Variants in NHS observed in about 807,000 individuals in gnomAD.
NHS encodes the protein NHS actin remodeling regulator.
A neutral mutation model predicts 72.5 loss-of-function variants in NHS; 5 were observed. That is an observed-to-expected ratio of 0.07 (90% confidence interval 0.04 to 0.14). NHS has a LOEUF of 0.14. Ranked by LOEUF, NHS falls within the 10% of genes least tolerant of loss-of-function variation. The pLI, the probability that NHS is intolerant of heterozygous loss-of-function variation, is 1.00. For synonymous variants in NHS, 464 were observed against 547.7 expected, an observed-to-expected ratio of 0.85 and a Z score of 2.13; for missense variants, 1,072 against 1,355.7, an observed-to-expected ratio of 0.79 and a Z score of 3.29.
intron 1 of NHS, among the ~76,000 whole-genome samples, chrX:17,668,908 T>C (rs1458336587): frequency 8.9e-6 from 1 of 111,864 alleles, no homozygotes; most frequent in African/African-American, 3.3e-5. Flanking sequence ...CATCTGTTAC[T>C]GCTCCAGTGC....
chrX:17,560,630 C>T (rs2146966550), intron 1 of NHS, among the ~76,000 whole-genome samples: 1 of 112,280 alleles, frequency 8.9e-6, no homozygotes, highest in South Asian at 3.7e-4. Context: ...AACCCCAGCA[C>T]ATGGTTCAGC....
chrX:17,391,377 G>A (rs1261900741), intron 1 of NHS, among the ~76,000 whole-genome samples: 1 of 111,692 alleles, frequency 9.0e-6, no homozygotes, highest in Non-Finnish European at 1.9e-5. Flanking sequence ...GATACTATTG[G>A]TACTCATTTT....
At chrX:17,491,374 T>C (rs1016689530) in intron 1 of NHS, among the ~76,000 whole-genome samples, 2 of 112,110 alleles carry the variant, frequency 1.8e-5, no homozygotes, top group Non-Finnish European at 3.8e-5. Flanking sequence ...TCTATTGAGA[T>C]AATCATGTGG....
intron 1 of NHS, among the ~76,000 whole-genome samples, chrX:17,575,138 G>A (rs2065503190): frequency 8.9e-6 from 1 of 112,530 alleles, no homozygotes; most frequent in Non-Finnish European, 1.9e-5. Flanking sequence ...ACTAGTGTTT[G>A]CTGCAGTCCA....
intron 1 of NHS, among the ~76,000 whole-genome samples, chrX:17,577,988 T>C (rs767800936): frequency 7.9e-4 from 89 of 112,470 alleles, no homozygotes; most frequent in Non-Finnish European, 1.2e-3. Context: ...AGCTATTCAT[T>C]CATTCATTCA....
chrX:17,504,525 C>G (rs2065048267), intron 1 of NHS, among the ~76,000 whole-genome samples: 1 of 112,343 alleles, frequency 8.9e-6, no homozygotes, highest in Non-Finnish European at 1.9e-5. Flanking sequence ...TTGACTTTCT[C>G]TCACCCTCTT....
chrX:17,516,708 T>C (rs1334666688), intron 1 of NHS, among the ~76,000 whole-genome samples: 3 of 108,105 alleles, frequency 2.8e-5, no homozygotes, highest in African/African-American at 1.0e-4. Flanking sequence ...TGTGATATCT[T>C]CCTATGTCTG....
chrX:17,656,304 G>A (rs1369744491), intron 1 of NHS, among the ~76,000 whole-genome samples: 1 of 113,477 alleles, frequency 8.8e-6, no homozygotes, highest in Admixed American at 9.2e-5. Flanking sequence ...GGCTAGCCTC[G>A]GCGTGGCGCC....
At chrX:17,496,387 T>C (rs1434464133) in intron 1 of NHS, among the ~76,000 whole-genome samples, 1 of 111,633 alleles carries the variant, frequency 9.0e-6, no homozygotes, top group African/African-American at 3.3e-5. Flanking sequence ...TCAAACAGGC[T>C]TGACAGCAAT....
chrX:17,432,330 C>T, intron 1 of NHS, among the ~76,000 whole-genome samples: 1 of 112,744 alleles, frequency 8.9e-6, no homozygotes, highest in Non-Finnish European at 1.9e-5. Context: ...TGCTCAGATA[C>T]CATCTCTTCT....
intron 1 of NHS, among the ~76,000 whole-genome samples, chrX:17,675,212 T>C (rs893331501): frequency 1.3e-4 from 15 of 111,708 alleles, no homozygotes; most frequent in Non-Finnish European, 2.4e-4. Flanking sequence ...TAATGACAAA[T>C]GAAAAACAAA....
chrX:17,647,018 G>A (rs894409347), intron 1 of NHS, among the ~76,000 whole-genome samples: 3 of 111,640 alleles, frequency 2.7e-5, no homozygotes, highest in African/African-American at 3.3e-5. Context: ...AGTCATAGAC[G>A]TATAGATATA....
intron 1 of NHS, among the ~76,000 whole-genome samples, chrX:17,484,023 T>C (rs892307017): frequency 1.8e-5 from 2 of 112,269 alleles, no homozygotes; most frequent in African/African-American, 6.5e-5. Context: ...ATTCCATTGG[T>C]GTGCCAGAGC....
Position 17,523,380 on chromosome X carries a change from C to A in NHS, c.565+147058C>A, listed in dbSNP as rs777253439. Reference sequence around the variant, plus strand: ...GCAGGTGCCACTTGAGAGGCAGAGACCCAGTCTTCCTGCCAGGGATGTCTT... The same window carrying A: ...GCAGGTGCCACTTGAGAGGCAGAGAACCAGTCTTCCTGCCAGGGATGTCTT... On this transcript the variant is annotated intron_variant, in intron 1 of 8. Coordinates refer to ENST00000676302, the MANE Select transcript of NHS (RefSeq NM_001291867.2). Among the ~76,000 whole-genome samples the A allele has an allele frequency of 2.7e-5, 3 of 112,236 alleles. 1 individual carries two copies. Among genetic ancestry groups the A allele is most frequent in the African/African-American group, 9.7e-5 (3 of 30,907 alleles).
At chrX:17,500,548 C>T (rs1006378056) in intron 1 of NHS, among the ~76,000 whole-genome samples, 1 of 111,742 alleles carries the variant, frequency 8.9e-6, no homozygotes, top group African/African-American at 3.3e-5. Context: ...ACGTTTCCTC[C>T]TGCGGTGTCT....
chrX:17,568,761 C>T (rs2146971887), intron 1 of NHS, among the ~76,000 whole-genome samples: 1 of 108,056 alleles, frequency 9.3e-6, no homozygotes, highest in South Asian at 4.2e-4. Flanking sequence ...TGGTTTGCTG[C>T]ACCCATCAAC....
Position 17,375,739 on chromosome X carries a change from C to A in NHS, c.-19C>A. Reference sequence around the variant, plus strand: ...GGGCGCTTGGAGGAGACCAGAAAGTCGCCGCCTGGCTGCGCGGGATGCCTT... The same window carrying A: ...GGGCGCTTGGAGGAGACCAGAAAGTAGCCGCCTGGCTGCGCGGGATGCCTT... On this transcript the variant is annotated 5_prime_UTR_variant, in exon 1 of 9. Coordinates refer to ENST00000676302, the MANE Select transcript of NHS (RefSeq NM_001291867.2). The A allele has an allele frequency of 8.7e-7, 1 of 1,153,179 alleles. No individual in the cohort carries two copies. The highest frequency in any genetic ancestry group is 1.9e-5 in the South Asian group (1 of 52,496).
At chrX:17,439,616 G>A (rs2064742669) in intron 1 of NHS, among the ~76,000 whole-genome samples, 1 of 111,806 alleles carries the variant, frequency 8.9e-6, no homozygotes, top group Admixed American at 9.5e-5. Context: ...AGCTCCCATT[G>A]ATTCCTTTTT....
intron 1 of NHS, among the ~76,000 whole-genome samples, chrX:17,427,099 A>T (rs2064661058): frequency 8.9e-6 from 1 of 112,118 alleles, no homozygotes; most frequent in East Asian, 2.8e-4. Flanking sequence ...TGACATGGAG[A>T]TAAACCTGAA....
Sources: gnomAD v4.1 joint callset for allele counts (sites outside exome capture counted in the v4.1 genomes callset) on GRCh38, gnomAD v4.1.1 for gene constraint, MANE v1.5 for transcripts, NCBI Gene and HGNC (gene_info 2026-07-23, HGNC 2026-07-21) for gene names.